The following FGF13 variants were observed in gnomAD, a reference collection of about 807,000 sequenced individuals.
FGF13 encodes the protein fibroblast growth factor homologous factor 2.
A neutral mutation model predicts 19.5 loss-of-function variants in FGF13; 2 were observed. That is an observed-to-expected ratio of 0.10 (90% CI 0.04 to 0.32). FGF13 has a LOEUF of 0.32. Ranked by LOEUF, FGF13 falls within the 10% of genes least tolerant of loss-of-function variation. The pLI, the probability that FGF13 is intolerant of heterozygous loss-of-function variation, is 1.00. For synonymous variants in FGF13, 72 were observed against 76.9 expected, an observed-to-expected ratio of 0.94 and a Z score of 0.33; for missense variants, 113 against 192.7, an observed-to-expected ratio of 0.59 and a Z score of 2.45.
chrX:138,984,599 G>A (rs1281739563), intron 1 of FGF13, among the ~76,000 whole-genome samples: 10 of 46,140 alleles, frequency 2.2e-4, no homozygotes, highest in African/African-American at 7.0e-4. Context: ...AGGAGGAGGA[G>A]GAGGAGGAGG....
At chrX:138,651,902 C>T (rs936834565) in intron 3 of FGF13, among the ~76,000 whole-genome samples, 3 of 111,347 alleles carry the variant, frequency 2.7e-5, no homozygotes, top group Non-Finnish European at 1.9e-5. Context: ...GTTAGTTGGC[C>T]ACTATACATG....
intron 3 of FGF13, among the ~76,000 whole-genome samples, chrX:138,841,777 C>T (rs758733393): frequency 7.2e-5 from 8 of 111,762 alleles, no homozygotes; most frequent in Non-Finnish European, 1.5e-4. Context: ...AGTTTAGTTA[C>T]TGCATGTCCC....
rs1364322628 is a variant in FGF13 at position 139,064,451 on chromosome X, C to T, written c.-113+138965G>A. On this transcript the variant is annotated intron_variant, in intron 1 of 2. Coordinates refer to the FGF13 transcript ENST00000421460. ...CCGAGTAGCTGGGACTACAGGCGCC[C>T]GCCACCGCGCCCGGCTAATTTTTTG... 1.2e-3 allele frequency among the ~76,000 whole-genome samples: 98 copies of T among 80,370 alleles called. 8 individuals carry two copies. Among genetic ancestry groups the T allele is most frequent in the Non-Finnish European group, 1.9e-3 (81 of 42,774 alleles). 69.8% of individuals were successfully genotyped at this position (80,370 alleles called of 115,157 possible).
chrX:139,146,190 G>A (rs754830856), intron 1 of FGF13, among the ~76,000 whole-genome samples: 5 of 111,617 alleles, frequency 4.5e-5, no homozygotes, highest in Admixed American at 3.8e-4. Flanking sequence ...GCAACCTACA[G>A]AATGGGAGAA....
intron 1 of FGF13, among the ~76,000 whole-genome samples, chrX:138,730,844 G>T (rs1305439229): frequency 2.7e-5 from 3 of 111,178 alleles, no homozygotes; most frequent in Admixed American, 1.9e-4. Flanking sequence ...TAAACATAAA[G>T]GCACATAAAC....
At chrX:139,096,254 C>T (rs2083469248) in intron 1 of FGF13, among the ~76,000 whole-genome samples, 1 of 111,730 alleles carries the variant, frequency 9.0e-6, no homozygotes, top group African/African-American at 3.3e-5. Flanking sequence ...GGAATGTGTG[C>T]TGGAAACACA....
chrX:139,193,251 T>C lies in FGF13; in HGVS notation c.-113+10165A>G, dbSNP rs145342515. ...ACCAAATTCTACGTAGATAGCCCATTATGAAGTAGCAATTGTATCCTAAAT... is the reference window on the plus strand; with the variant it reads ...ACCAAATTCTACGTAGATAGCCCATCATGAAGTAGCAATTGTATCCTAAAT... On this transcript the variant is annotated intron_variant, in intron 1 of 2. Coordinates refer to the FGF13 transcript ENST00000421460. Among the ~76,000 whole-genome samples the C allele has an allele frequency of 4.3e-3, 477 of 111,503 alleles. 2 individuals are homozygous for C. Among genetic ancestry groups the C allele is most frequent in the African/African-American group, 0.015 (458 of 30,657 alleles).
intron 1 of FGF13, among the ~76,000 whole-genome samples, chrX:138,978,346 T>C (rs780789654): frequency 3.0e-5 from 3 of 98,971 alleles, no homozygotes; most frequent in East Asian, 7.0e-4. Flanking sequence ...CACTGCAAGC[T>C]CCACCTCCCG....
At chrX:138,729,806 C>T (rs180893555) in intron 1 of FGF13, among the ~76,000 whole-genome samples, 205 of 110,964 alleles carry the variant, frequency 1.8e-3, no homozygotes, top group African/African-American at 6.3e-3. Context: ...AGAAACACTA[C>T]CTACAGTGGG....
chrX:138,901,274 G>T (rs1486739134), intron 1 of FGF13, among the ~76,000 whole-genome samples: 1 of 111,573 alleles, frequency 9.0e-6, no homozygotes, highest in East Asian at 2.8e-4. Flanking sequence ...TCAGAATTTA[G>T]CATCTGGACT....
At chrX:138,651,683 CATT>C (rs920818752) in intron 3 of FGF13, among the ~76,000 whole-genome samples, 1 of 111,809 alleles carries the variant, frequency 8.9e-6, no homozygotes, top group African/African-American at 3.3e-5. Context: ...TGAGTGTACT[CATT>C]ATTTTCTTTG....
chrX:138,800,898 T>C (rs2090823495), intron 3 of FGF13, among the ~76,000 whole-genome samples: 1 of 112,278 alleles, frequency 8.9e-6, no homozygotes, highest in Non-Finnish European at 1.9e-5. Context: ...TGTGTATGCA[T>C]CACAAAGTTC....
rs1306055798 is a variant in FGF13 at position 138,624,862 on chromosome X, A to C, written c.*7988T>G. On this transcript the variant is annotated 3_prime_UTR_variant, in exon 5 of 5. Transcript: ENST00000315930. ...AATAAAATAAAAAAATTATCTGCCC[A>C]GCAAAGGAAATAATCGACAAAACGA... is the stretch of plus-strand genomic sequence containing the variant. 8.9e-6 allele frequency: 1 copy of C among 112,125 alleles called. No homozygotes were observed. The highest frequency in any genetic ancestry group is 3.2e-5 in the African/African-American group (1 of 30,846). 9.2% of individuals were successfully genotyped at this position (112,125 alleles called of 1,213,427 possible).
intron 1 of FGF13, among the ~76,000 whole-genome samples, chrX:138,900,735 A>T (rs894809399): frequency 9.0e-6 from 1 of 111,666 alleles, no homozygotes. Flanking sequence ...AAGAAAACCC[A>T]AACCCCTTGG....
chrX:138,810,566 A>G (rs1038293300), intron 3 of FGF13, among the ~76,000 whole-genome samples: 1 of 112,229 alleles, frequency 8.9e-6, no homozygotes, highest in African/African-American at 3.2e-5. Flanking sequence ...ACCAAAAGTA[A>G]TGGCAACAAA....
At chrX:139,112,899 C>T (rs933450381) in intron 1 of FGF13, among the ~76,000 whole-genome samples, 1 of 110,704 alleles carries the variant, frequency 9.0e-6, no homozygotes, top group African/African-American at 3.3e-5. Flanking sequence ...GAATGCATCT[C>T]CAGGACCTGG....
chrX:138,864,419 G>A (rs1016428438), intron 2 of FGF13, among the ~76,000 whole-genome samples: 2 of 112,707 alleles, frequency 1.8e-5, no homozygotes, highest in African/African-American at 6.4e-5. Flanking sequence ...CTCAGCATAG[G>A]ACAAAGACTT....
At chrX:138,731,899 T>C (rs2090234938) in intron 1 of FGF13, among the ~76,000 whole-genome samples, 1 of 111,097 alleles carries the variant, frequency 9.0e-6, no homozygotes, top group African/African-American at 3.3e-5. Context: ...AACAACTCAA[T>C]AAGATAAGAA....
chrX:138,978,847 G>A (rs1001140488), intron 1 of FGF13, among the ~76,000 whole-genome samples: 4 of 111,635 alleles, frequency 3.6e-5, no homozygotes, highest in African/African-American at 1.3e-4. Context: ...AGATAATGGA[G>A]TAAAAAACAG....
Sources: allele counts gnomAD v4.1 joint callset (sites outside exome capture counted in the v4.1 genomes callset), GRCh38; gene constraint gnomAD v4.1.1; transcripts MANE v1.5; gene names NCBI Gene and HGNC (gene_info 2026-07-23, HGNC 2026-07-21).